The following ABCD3 variants were observed in gnomAD, a reference collection of about 807,000 sequenced individuals.
ABCD3 encodes ATP binding cassette subfamily D member 3.
A neutral mutation model predicts 105.5 loss-of-function variants in ABCD3; 41 were observed. That is an observed-to-expected ratio of 0.39 (90% CI 0.30 to 0.50). ABCD3 has a LOEUF of 0.50. Ranked by LOEUF, ABCD3 falls within the 20% of genes least tolerant of loss-of-function variation. ABCD3 has a pLI of 0.84. For synonymous variants in ABCD3, 258 were observed against 269.0 expected (o/e 0.96, Z 0.40); for missense variants, 622 against 806.3 (o/e 0.77, Z 2.77).
At chr1:94,479,338 G>T (rs1284768632) in intron 8 of ABCD3, among the ~76,000 whole-genome samples, 1 of 151,646 alleles carries the variant, frequency 6.6e-6, no homozygotes, top group Non-Finnish European at 1.5e-5. Flanking sequence ...CTTGTTATCT[G>T]ATTCTGCATT....
intron 16 of ABCD3, among the ~76,000 whole-genome samples, chr1:94,494,482 A>G (rs567883433): frequency 2.7e-4 from 41 of 152,314 alleles, no homozygotes; most frequent in African/African-American, 9.1e-4. Context: ...TTTTCTTAAC[A>G]TAGCCTTTCT....
At chr1:94,396,783 G>T in the ABCD3 span, among the ~76,000 whole-genome samples, 2 of 152,238 alleles carry the variant, frequency 1.3e-5, no homozygotes, top group Admixed American at 1.3e-4. Context: ...GGGCCTGGAT[G>T]GGAATGAAAT....
At chr1:94,483,971 T>C (rs1649156647) in intron 10 of ABCD3, among the ~76,000 whole-genome samples, 1 of 152,016 alleles carries the variant, frequency 6.6e-6, no homozygotes, top group African/African-American at 2.4e-5. Flanking sequence ...CATCAAAAAG[T>C]GGGCAAAGGA....
intron 21 of ABCD3, among the ~76,000 whole-genome samples, chr1:94,510,942 T>C (rs922869383): frequency 6.6e-6 from 1 of 152,186 alleles, no homozygotes; most frequent in African/African-American, 2.4e-5. Flanking sequence ...TGACTCCTTA[T>C]CCAATTTGCC....
Position 94,475,124 on chromosome 1 carries a change from ATTTG to A in ABCD3, c.406-7_406-4del, listed in dbSNP as rs758947202. ...AGAAATGAAAAGCAAAACCAATAATATTTGTTTGTTTGTTTTAGATCTCTCTGGT... is the reference window on the plus strand; with the variant it reads ...AGAAATGAAAAGCAAAACCAATAATATTTGTTTGTTTTAGATCTCTCTGGT... On this transcript the variant is annotated splice_polypyrimidine_tract_variant and intron_variant, in intron 5 of 22. Coordinates refer to ENST00000370214, the MANE Select transcript of ABCD3 (RefSeq NM_002858.4). The A allele has an allele frequency of 3.4e-6, 5 of 1,476,680 alleles. No homozygotes were observed. Among genetic ancestry groups the A allele is most frequent in the Non-Finnish European group, 3.8e-6 (4 of 1,066,010 alleles). The allele number at this position is 1,476,680 out of a possible 1,614,324, so 91.5% of individuals were successfully genotyped here.
rs773464366 is a variant in ABCD3 at position 94,498,855 on chromosome 1, C to T, written c.1530+7C>T. The T allele has an allele frequency of 1.2e-6, 2 of 1,612,994 alleles. No homozygotes were observed. Among genetic ancestry groups the T allele is most frequent in the East Asian group, 2.2e-5 (1 of 44,802 alleles). The stretch of plus-strand genomic sequence containing the variant: ...ATTATTTTATGTTCCTCAGGTAAGA[C>T]CTAGCTTGAGTTATCTTTGATCTAA... On this transcript the variant is annotated splice_region_variant and intron_variant, in intron 18 of 22. Transcript: ENST00000370214.
rs750944987 is a variant in ABCD3 at position 94,468,379 on chromosome 1, T to G, written c.335+372T>G. Among the ~76,000 whole-genome samples, 28 of 152,186 alleles carry G rather than the reference T, an allele frequency of 1.8e-4. 1 individual carries two copies. Among genetic ancestry groups the G allele is most frequent in the Non-Finnish European group, 2.8e-4 (19 of 68,018 alleles). ...TTAATGAGATAATTTGGAGGAAAAT[T>G]TCAAAGCATTTCAAAGAATCACGTT... is the stretch of plus-strand genomic sequence containing the variant. On this transcript the variant is annotated intron_variant, in intron 4 of 22. Transcript: ENST00000370214.
chr1:94,486,204 A>G (rs1362372570), intron 10 of ABCD3, among the ~76,000 whole-genome samples: 1 of 152,052 alleles, frequency 6.6e-6, no homozygotes, highest in African/African-American at 2.4e-5. Context: ...AAAGTAAATA[A>G]AGTGTATGGG....
intron 1 of ABCD3, among the ~76,000 whole-genome samples, chr1:94,435,807 C>T (rs1236830267): frequency 2.6e-5 from 4 of 152,146 alleles, no homozygotes; most frequent in Admixed American, 1.3e-4. Flanking sequence ...ATGTTAATTT[C>T]GTGTTATTAC....
At chr1:94,388,060 GTA>G in the ABCD3 span, among the ~76,000 whole-genome samples, 1 of 152,066 alleles carries the variant, frequency 6.6e-6, no homozygotes, top group East Asian at 1.9e-4. Context: ...CTTCAACTCT[GTA>G]TGTTTCTTAA....
chr1:94,385,336 G>A, the ABCD3 span, among the ~76,000 whole-genome samples: 1 of 152,160 alleles, frequency 6.6e-6, no homozygotes, highest in Non-Finnish European at 1.5e-5. Flanking sequence ...GGACTGGAAG[G>A]AGACCTCTGA....
At chr1:94,436,434 A>C (rs1659904640) in intron 1 of ABCD3, among the ~76,000 whole-genome samples, 1 of 152,200 alleles carries the variant, frequency 6.6e-6, no homozygotes, top group Admixed American at 6.5e-5. Flanking sequence ...GATTACTGAA[A>C]ATAGTTAAAT....
chr1:94,444,512 C>T (rs185497384), intron 1 of ABCD3, among the ~76,000 whole-genome samples: 1 of 152,152 alleles, frequency 6.6e-6, no homozygotes, highest in Admixed American at 6.5e-5. Context: ...ACATGTTGAA[C>T]CTTCTTCTTA....
At chr1:94,432,297 C>T (rs929605423) in intron 1 of ABCD3, among the ~76,000 whole-genome samples, 2 of 152,158 alleles carry the variant, frequency 1.3e-5, no homozygotes, top group Non-Finnish European at 2.9e-5. Context: ...TTTAATTCTT[C>T]TGGTTGTTAC....
In ABCD3 at chr1:94,498,591, T is replaced by C; in HGVS notation, c.1387-11T>C. 1 of 1,613,628 alleles carries C rather than the reference T, an allele frequency of 6.2e-7. No individual in the cohort carries two copies. Among genetic ancestry groups the C allele is most frequent in the Non-Finnish European group, 8.5e-7 (1 of 1,179,846 alleles). On this transcript the variant is annotated splice_polypyrimidine_tract_variant and intron_variant, in intron 16 of 22. Coordinates refer to ENST00000370214, the MANE Select transcript of ABCD3 (RefSeq NM_002858.4). ...AATTACTTCACAGACTGATTTTTTT[T>C]TTTTTTTCAGGTTCGATCTGGGGCT...
chr1:94,489,126 G>T (rs545201324), intron 13 of ABCD3, among the ~76,000 whole-genome samples: 3 of 151,956 alleles, frequency 2.0e-5, no homozygotes, highest in East Asian at 1.9e-4. Context: ...TCTCTTTGGC[G>T]ATCATGGTCA....
chr1:94,501,409 CTGT>C (rs1409934144), intron 20 of ABCD3, among the ~76,000 whole-genome samples: 1 of 152,098 alleles, frequency 6.6e-6, no homozygotes, highest in African/African-American at 2.4e-5. Flanking sequence ...AAAAGAGAGC[CTGT>C]TGTTTTGTTT....
At chr1:94,484,172 A>G (rs926116814) in intron 10 of ABCD3, among the ~76,000 whole-genome samples, 20 of 152,204 alleles carry the variant, frequency 1.3e-4, no homozygotes, top group Non-Finnish European at 2.5e-4. Flanking sequence ...AAATAGGAAC[A>G]CTTTTACACT....
At chr1:94,467,155 A>G (rs1557675239) in intron 3 of ABCD3, among the ~76,000 whole-genome samples, 1 of 152,208 alleles carries the variant, frequency 6.6e-6, no homozygotes, top group Non-Finnish European at 1.5e-5. Context: ...CGAGAATTTT[A>G]TGTGTGTAAA....
Sources: gnomAD v4.1 joint callset for allele counts (sites outside exome capture counted in the v4.1 genomes callset) on GRCh38, gnomAD v4.1.1 for gene constraint, MANE v1.5 for transcripts, NCBI Gene and HGNC (gene_info 2026-07-23, HGNC 2026-07-21) for gene names.